CASK: variants seen among roughly 807,000 people sequenced by gnomAD.
CASK encodes calcium/calmodulin dependent serine protein kinase.
Under a neutral mutation model 82.9 loss-of-function variants are expected in CASK, and 4 were observed. That is an observed-to-expected ratio of 0.05 (90% confidence interval 0.02 to 0.11). The LOEUF (loss-of-function observed/expected upper bound fraction) is 0.11. Among genes scored for constraint, CASK ranks in the 10% least tolerant of loss-of-function variants. The probability of loss-of-function intolerance (pLI) is 1.00; values close to 1 mark genes in which losing one functional copy is unlikely to be tolerated. For synonymous variants in CASK, 259 were observed against 253.5 expected (o/e 1.02, Z -0.20); for missense variants, 358 against 720.9 (o/e 0.50, Z 5.76).
intron 5 of CASK, among the ~76,000 whole-genome samples, chrX:41,682,447 G>A (rs1026968483): frequency 2.0e-5 from 2 of 98,930 alleles, no homozygotes; most frequent in South Asian, 5.3e-4. Flanking sequence ...CAGCTACTCA[G>A]GAGGCTGAGG....
chrX:41,642,781 G>A (rs1414966445), intron 8 of CASK, among the ~76,000 whole-genome samples: 1 of 112,058 alleles, frequency 8.9e-6, no homozygotes, highest in Non-Finnish European at 1.9e-5. Context: ...TTTGGATTTT[G>A]TTGCCATTAC....
chrX:41,839,123 CTATTCT>C (rs2070985557), intron 2 of CASK, among the ~76,000 whole-genome samples: 1 of 111,557 alleles, frequency 9.0e-6, no homozygotes, highest in African/African-American at 3.3e-5. Flanking sequence ...ATTGTTTTAG[CTATTCT>C]TATTCTTTTT....
chrX:41,730,914 A>G (rs1184756236), intron 5 of CASK, among the ~76,000 whole-genome samples: 1 of 111,058 alleles, frequency 9.0e-6, no homozygotes, highest in African/African-American at 3.3e-5. Context: ...CATGTTACCC[A>G]GGTTGGTCTC....
rs1569412776 is a variant in CASK, at chrX:41,710,133, T to TGTGTGTG, written c.429+29250_429+29251insCACACAC. Among the ~76,000 whole-genome samples the TGTGTGTG allele has an allele frequency of 2.6e-4, 8 of 30,792 alleles. No individual in the cohort carries two copies. In the East Asian group the frequency reaches 6.8e-3, roughly 26 times the overall value. The allele number at this position is 30,792 out of a possible 115,157, so 26.7% of individuals were successfully genotyped here. A position where few individuals can be genotyped will look rare whatever the true frequency, so the allele number is the denominator to read the frequency against. On this transcript the variant is annotated intron_variant, in intron 5 of 26. Transcript: ENST00000378163. The stretch of plus-strand genomic sequence containing the variant: ...TGTGTGTGTGTGTGTGTGTGTGTGT[T>TGTGTGTG]TTGTACCTGGGGTGATACAATGGAA...
intron 5 of CASK, chrX:41,729,325 G>A (rs192957592): frequency 8.1e-6 from 1 of 122,784 alleles, no homozygotes; most frequent in East Asian, 2.8e-4. Flanking sequence ...AGTAGCTAAC[G>A]CTTAGTAAGC....
intron 2 of CASK, among the ~76,000 whole-genome samples, chrX:41,844,770 GA>G (rs2071117723): frequency 9.0e-6 from 1 of 111,537 alleles, no homozygotes; most frequent in South Asian, 3.7e-4. Flanking sequence ...TTCTTAAAGT[GA>G]AAGGTTAAAT....
At chrX:41,798,510 CAGAG>C (rs2069914613) in intron 2 of CASK, among the ~76,000 whole-genome samples, 2 of 112,689 alleles carry the variant, frequency 1.8e-5, no homozygotes, top group African/African-American at 6.4e-5. Context: ...TATGAATAGA[CAGAG>C]AGCAGTTAAG....
intron 1 of CASK, among the ~76,000 whole-genome samples, chrX:41,912,298 C>CTGT (rs2072585182): frequency 1.3e-5 from 1 of 75,551 alleles, no homozygotes; most frequent in Admixed American, 1.5e-4. Flanking sequence ...TGTTTGTTTT[C>CTGT]TGTTTTTTTT....
chrX:41,813,462 G>A (rs1177533917), intron 2 of CASK, among the ~76,000 whole-genome samples: 1 of 110,896 alleles, frequency 9.0e-6, no homozygotes, highest in Admixed American at 9.6e-5. Context: ...TCTGATCTTT[G>A]ACAAACCTGA....
chrX:41,715,209 C>T (rs1224671908), intron 5 of CASK, among the ~76,000 whole-genome samples: 1 of 112,539 alleles, frequency 8.9e-6, no homozygotes, highest in African/African-American at 3.2e-5. Context: ...GCCACATGGT[C>T]AGGCAGAAGG....
intron 25 of CASK, among the ~76,000 whole-genome samples, 190 bp downstream of exon 25, chrX:41,530,817 C>G (rs1432601122): frequency 1.8e-5 from 2 of 112,445 alleles, no homozygotes; most frequent in Middle Eastern, 4.2e-3. Flanking sequence ...ATGGTGTGTG[C>G]ACTGAGTCCA....
intron 24 of CASK, among the ~76,000 whole-genome samples, chrX:41,531,493 GA>G (rs1262091849): frequency 8.9e-6 from 1 of 112,206 alleles, no homozygotes; most frequent in African/African-American, 3.2e-5. Flanking sequence ...ACCACAGGAG[GA>G]AGACGTGAAA....
At chrX:41,649,028 T>C (rs757295619) in intron 8 of CASK, among the ~76,000 whole-genome samples, 38 of 112,000 alleles carry the variant, frequency 3.4e-4, no homozygotes, top group African/African-American at 1.1e-3. Context: ...CTAGATTTTC[T>C]AGTTTATTTG....
intron 1 of CASK, among the ~76,000 whole-genome samples, chrX:41,855,633 C>A (rs1341227607): frequency 3.6e-5 from 4 of 111,177 alleles, no homozygotes; most frequent in African/African-American, 1.3e-4. Context: ...AGGTTTCAGT[C>A]TGGCCTGTAC....
chrX:41,644,530 A>G (rs2066721253), intron 8 of CASK, among the ~76,000 whole-genome samples: 1 of 111,747 alleles, frequency 8.9e-6, no homozygotes, highest in Non-Finnish European at 1.9e-5. Flanking sequence ...CACAAATTGT[A>G]CAGCATGTGT....
intron 3 of CASK, among the ~76,000 whole-genome samples, chrX:41,755,418 G>A (rs1337775143): frequency 2.7e-5 from 3 of 111,830 alleles, no homozygotes; most frequent in Non-Finnish European, 3.8e-5. Context: ...GAGTTTACCC[G>A]AGGAATGCAA....
chrX:41,626,805 A>G, intron 9 of CASK, 102 bp from the exon 10 acceptor site: 1 of 564,631 alleles, frequency 1.8e-6, no homozygotes, highest in Non-Finnish European at 3.0e-6. Context: ...ATTAAGTCAA[A>G]TATATAGGAG....
At chrX:41,888,493 T>C (rs1384716707) in intron 1 of CASK, among the ~76,000 whole-genome samples, 1 of 109,438 alleles carries the variant, frequency 9.1e-6, no homozygotes, top group African/African-American at 3.3e-5. Flanking sequence ...TAGCTCCCAC[T>C]TATGAGAACA....
chrX:41,801,343 A>T (rs2069994035), intron 2 of CASK, among the ~76,000 whole-genome samples: 1 of 111,621 alleles, frequency 9.0e-6, no homozygotes, highest in Non-Finnish European at 1.9e-5. Flanking sequence ...ACCTTGGTCA[A>T]ATAATTTCCC....
Sources: allele counts gnomAD v4.1 joint callset (sites outside exome capture counted in the v4.1 genomes callset), GRCh38; gene constraint gnomAD v4.1.1; transcripts MANE v1.5; gene names NCBI Gene and HGNC (gene_info 2026-07-23, HGNC 2026-07-21).